Variants in SF1 observed in about 807,000 individuals in gnomAD.
SF1 encodes splicing factor 1.
In SF1, 7 loss-of-function variants were observed where a neutral mutation model predicts 62.5. The observed-to-expected ratio is 0.11, with a 90% CI of 0.06 to 0.21. SF1 has a LOEUF of 0.21. Ranked by LOEUF, SF1 falls within the 10% of genes least tolerant of loss-of-function variation. The probability of loss-of-function intolerance (pLI) is 1.00; values close to 1 mark genes in which losing one functional copy is unlikely to be tolerated. For synonymous variants in SF1, 394 were observed against 323.6 expected (o/e 1.22, Z -2.33); for missense variants, 578 against 884.0 (o/e 0.65, Z 4.39).
At chr11:64,769,873 A>T in intron 5 of SF1, 91 bp downstream of exon 5, 1 of 1,004,816 alleles carries the variant, frequency 1.0e-6, no homozygotes, top group Non-Finnish European at 1.5e-6. Context: ...AAAGGGGAAA[A>T]GTAAGCCAAC....
intron 6 of SF1, 26 bp downstream of exon 6, chr11:64,769,400 G>T: frequency 1.2e-6 from 2 of 1,613,618 alleles, no homozygotes; most frequent in South Asian, 2.2e-5. Context: ...CTGCTAGGAG[G>T]CTTCCTTTCT....
In SF1 at chr11:64,767,003, G is replaced by T; in HGVS notation, c.1479C>A (p.Pro493=). 6.5e-7 allele frequency: 1 copy of T among 1,531,992 alleles called. No individual in the cohort carries two copies. The highest frequency in any genetic ancestry group is 1.3e-5 in the South Asian group (1 of 77,720). The allele number at this position is 1,531,992 out of a possible 1,614,324, so 94.9% of individuals were successfully genotyped here. The change falls in exon 12 of 13, where the codon CCC becomes CCA. Residue 493 remains proline, a synonymous_variant. Coordinates refer to ENST00000377390, the MANE Select transcript of SF1 (RefSeq NM_004630.4). Reference sequence around the variant, plus strand: ...GTTGCCATGGGGGAAGAGGACCAGAGGGAGGGGGTGGGGGCTGCCCACTGG... The same window carrying T: ...GTTGCCATGGGGGAAGAGGACCAGATGGAGGGGGTGGGGGCTGCCCACTGG... ...PPPSGQPPPP[P]SGPLPPWQQQ...
Position 64,773,519 on chromosome 11 carries a change from G to C in SF1, c.161-14C>G. On this transcript the variant is annotated splice_polypyrimidine_tract_variant and intron_variant, in intron 2 of 12. Transcript: ENST00000377390. ...TCTGCAGTTGCACTGGAAGAAACCAGGTTAGGAAAGAAAAAAAAGGATGGA... is the reference window on the plus strand; with the variant it reads ...TCTGCAGTTGCACTGGAAGAAACCACGTTAGGAAAGAAAAAAAAGGATGGA... 1 of 1,600,244 alleles carries C rather than the reference G, an allele frequency of 6.2e-7. No homozygotes were observed. Among genetic ancestry groups the C allele is most frequent in the Non-Finnish European group, 8.5e-7 (1 of 1,176,188 alleles).
At chr11:64,777,832 C>G in intron 1 of SF1, 1 of 960,938 alleles carries the variant, frequency 1.0e-6, no homozygotes, top group Non-Finnish European at 1.2e-6. Flanking sequence ...GCCCTAGAAC[C>G]AGGCCGCGCG....
At chr11:64,777,850 G>C (rs1164246595) in intron 1 of SF1, 11 of 945,130 alleles carry the variant, frequency 1.2e-5, no homozygotes, top group Non-Finnish European at 1.4e-5. Context: ...GCGCGCCCAG[G>C]GGCGCCTCCG....
intron 3 of SF1, chr11:64,771,715 T>C (rs948326643): frequency 3.5e-5 from 34 of 985,300 alleles, no homozygotes; most frequent in Non-Finnish European, 3.9e-5. Flanking sequence ...TACCATCTTA[T>C]ACATTTAAGT....
rs2058562950 is a variant in SF1, at chr11:64,765,289, G to GA, written c.*528dup. 1.6e-6 allele frequency: 1 copy of GA among 613,260 alleles called. No individual in the cohort carries two copies. Among genetic ancestry groups the GA allele is most frequent in the Non-Finnish European group, 3.0e-6 (1 of 338,476 alleles). 38.0% of individuals were successfully genotyped at this position (613,260 alleles called of 1,614,324 possible). Reference sequence around the variant, plus strand: ...AGCATCTCCTTGGACGGAGTCTGAAGAAAGGAAAAGATAAAGAAGTAACAA... The same window carrying GA: ...AGCATCTCCTTGGACGGAGTCTGAAGAAAAGGAAAAGATAAAGAAGTAACAA... On this transcript the variant is annotated 3_prime_UTR_variant, in exon 13 of 13. Coordinates refer to ENST00000377390, the MANE Select transcript of SF1 (RefSeq NM_004630.4).
At chr11:64,773,802 G>A (rs1014321242) in intron 2 of SF1, among the ~76,000 whole-genome samples, 3 of 152,144 alleles carry the variant, frequency 2.0e-5, no homozygotes, top group African/African-American at 7.2e-5. Flanking sequence ...TTATTAGGAG[G>A]TGTTTCACCT....
At chr11:64,775,676 G>A (rs1176468834) in intron 2 of SF1, among the ~76,000 whole-genome samples, 1 of 152,206 alleles carries the variant, frequency 6.6e-6, no homozygotes, top group Non-Finnish European at 1.5e-5. Flanking sequence ...AGTAGGAAAT[G>A]TTTATAAAGT....
intron 3 of SF1, chr11:64,772,580 A>G (rs997730242): frequency 4.1e-6 from 4 of 985,316 alleles, no homozygotes; most frequent in South Asian, 4.7e-5. Context: ...TTTTTAAAGC[A>G]AAGTCTTTTC....
At chr11:64,770,485 C>A in intron 3 of SF1, 77 bp from the exon 4 acceptor site, 1 of 1,512,654 alleles carries the variant, frequency 6.6e-7, no homozygotes, top group South Asian at 1.2e-5. Context: ...AAGTCTTTCC[C>A]AGCCCCTCTG....
rs1169059708 is a variant in SF1, at chr11:64,769,629, T to A, written c.480-20A>T. On this transcript the variant is annotated intron_variant, in intron 5 of 12. Coordinates refer to ENST00000377390, the MANE Select transcript of SF1 (RefSeq NM_004630.4). ...TTCCCTCTAGAGAGGCAGAAATGAC[T>A]AAGTTTATACCTGACAAATTCACAC... 1 of 1,604,592 alleles carries A rather than the reference T, an allele frequency of 6.2e-7. No individual in the cohort carries two copies. The highest frequency in any genetic ancestry group is 8.5e-7 in the Non-Finnish European group (1 of 1,172,882).
Position 64,765,381 on chromosome 11 carries a change from A to G in SF1, c.*437T>C. On this transcript the variant is annotated 3_prime_UTR_variant, in exon 13 of 13. Coordinates refer to ENST00000377390, the MANE Select transcript of SF1 (RefSeq NM_004630.4). ...CCAGCGTGTTCCGATTCCGTCCACA[A>G]AAATAACTCAGGCTGCTTTGCCGAA... 8.8e-7 allele frequency: 1 copy of G among 1,131,090 alleles called. No homozygotes were observed. Among genetic ancestry groups the G allele is most frequent in the Non-Finnish European group, 1.3e-6 (1 of 753,946 alleles). 70.1% of individuals were successfully genotyped at this position (1,131,090 alleles called of 1,614,324 possible).
chr11:64,773,322 T>C, intron 3 of SF1, 108 bp downstream of exon 3: 1 of 1,533,556 alleles, frequency 6.5e-7, no homozygotes, highest in Non-Finnish European at 8.8e-7. Context: ...CAGGGTACAG[T>C]CGTCATACTA....
At chr11:64,769,747 T>C (rs1246849960) in intron 5 of SF1, 138 bp from the exon 6 acceptor site, 2 of 819,746 alleles carry the variant, frequency 2.4e-6, no homozygotes, top group East Asian at 7.9e-5. Context: ...CCATGAACTC[T>C]ATATTATGGT....
intron 5 of SF1, 167 bp downstream of exon 5, chr11:64,769,797 G>T: frequency 1.4e-6 from 1 of 725,730 alleles, no homozygotes; most frequent in Non-Finnish European, 2.3e-6. Context: ...CTCCGCACTA[G>T]TGGGGAAGTT....
intron 4 of SF1, 97 bp from the exon 5 acceptor site, chr11:64,770,150 G>C: frequency 6.5e-7 from 1 of 1,544,710 alleles, no homozygotes; most frequent in African/African-American, 1.4e-5. Flanking sequence ...GCTAATTATG[G>C]GTGACTTGAG....
intron 3 of SF1, 106 bp from the exon 4 acceptor site, chr11:64,770,514 A>G (rs1938146506): frequency 4.0e-6 from 5 of 1,252,020 alleles, no homozygotes; most frequent in Non-Finnish European, 5.6e-6. Context: ...ACCCTAATAC[A>G]ACACTCTTCG....
intron 3 of SF1, chr11:64,771,542 A>G: frequency 2.0e-6 from 2 of 985,456 alleles, no homozygotes; most frequent in Non-Finnish European, 2.4e-6. Flanking sequence ...TTCAGCCTAA[A>G]GGGAACCATG....
Sources: gnomAD v4.1 joint callset for allele counts (sites outside exome capture counted in the v4.1 genomes callset) on GRCh38, gnomAD v4.1.1 for gene constraint, MANE v1.5 for transcripts, NCBI Gene and HGNC (gene_info 2026-07-23, HGNC 2026-07-21) for gene names.